The following FMO3 variants were observed in gnomAD, a reference collection of about 807,000 sequenced individuals.
The protein encoded by FMO3 is flavin containing dimethylaniline monoxygenase 3.
In FMO3, 40 loss-of-function variants were observed where a neutral mutation model predicts 39.4. The observed-to-expected ratio is 1.02, with a 90% confidence interval of 0.79 to 1.32. The LOEUF (loss-of-function observed/expected upper bound fraction) is 1.32, where lower values mean the gene tolerates loss of function less well. FMO3 is among the 40% of genes most tolerant of loss of function. The probability of loss-of-function intolerance (pLI) is 0.00; values close to 1 mark genes in which losing one functional copy is unlikely to be tolerated. For missense variants in FMO3, 680 were observed against 651.8 expected (o/e 1.04, Z -0.47); for synonymous variants, 219 against 228.8 (o/e 0.96, Z 0.39).
intron 3 of FMO3, among the ~76,000 whole-genome samples, chr1:171,105,356 C>T (rs1379786098): frequency 1.3e-5 from 2 of 152,136 alleles, no homozygotes; most frequent in East Asian, 3.9e-4. Context: ...CAATCTCCTT[C>T]ATGAAAATCA....
rs1378994560 is a variant in FMO3 at position 171,103,851 on chromosome 1, A to T, written c.199A>T (p.Met67Leu). The change falls in exon 3 of 9, where the codon ATG becomes TTG. Residue 67 changes from methionine to leucine, a missense_variant. By Grantham distance (15) the Met-to-Leu change is conservative (BLOSUM62 2). Coordinates refer to ENST00000367755, the MANE Select transcript of FMO3 (RefSeq NM_001002294.3). ...CTTTTCCAACTCTTCCAAAGAGATG[A>T]TGTGTTTCCCAGACTTCCCATTTCC... ...SVFSNSSKEM[M>L]CFPDFPFPDD... 1.2e-6 allele frequency: 2 copies of T among 1,613,844 alleles called. No individual in the cohort carries two copies. Among genetic ancestry groups the T allele is most frequent in the Middle Eastern group, 1.6e-4 (1 of 6,062 alleles).
chr1:171,099,759 C>CTTTTTTTTTTTTTTTTTCTTTT (rs1655279087), intron 2 of FMO3: 4 of 117,608 alleles, frequency 3.4e-5, no homozygotes, highest in Admixed American at 9.3e-5. Flanking sequence ...CCATGTCTTT[C>CTTTTTTTTTTTTTTTTTCTTTT]TTTTTTTTTT....
chr1:171,110,700 G>T, intron 5 of FMO3, 98 bp from the exon 6 acceptor site: 1 of 1,090,698 alleles, frequency 9.2e-7, no homozygotes, highest in East Asian at 2.4e-5. Context: ...TCTGCAGCTG[G>T]GGTAATAGAT....
intron 3 of FMO3, among the ~76,000 whole-genome samples, chr1:171,105,015 A>G (rs1318790357): frequency 6.6e-6 from 1 of 152,022 alleles, no homozygotes; most frequent in African/African-American, 2.4e-5. Context: ...GAATACTATA[A>G]AAGTGTTTGC....
In FMO3 at chr1:171,092,748, C is replaced by T; in HGVS notation, c.90C>T (p.Cys30=). The T allele has an allele frequency of 6.2e-7, 1 of 1,614,036 alleles. No homozygotes were observed. Among genetic ancestry groups the T allele is most frequent in the Non-Finnish European group, 8.5e-7 (1 of 1,180,000 alleles). The change falls in exon 2 of 9, where the codon TGC becomes TGT. Residue 30 remains cysteine (C), a synonymous_variant. Coordinates refer to ENST00000367755, the MANE Select transcript of FMO3 (RefSeq NM_001002294.3). ...TGGAAGAGGGGCTGGAGCCCACCTG[C>T]TTTGAGAAGAGCAATGACATTGGGG... ...SCLEEGLEPT[C]FEKSNDIGGL... is the part of the protein sequence containing the mutation.
intron 7 of FMO3, 38 bp downstream of exon 7, chr1:171,114,400 A>G (rs373403267): frequency 1.1e-4 from 155 of 1,390,104 alleles, no homozygotes; most frequent in Non-Finnish European, 1.5e-4. Flanking sequence ...GCGAAGATGA[A>G]TGCCAGTGAC....
chr1:171,110,792 T>C lies in FMO3; in HGVS notation c.628-6T>C, dbSNP rs369396459. ...TAATTTCATGGTTGAATTGGTGTTT[T>C]TTAAGGTCATGATCAGTTCCAGAAG... is the stretch of plus-strand genomic sequence containing the variant. On this transcript the variant is annotated splice_region_variant and splice_polypyrimidine_tract_variant and intron_variant, in intron 5 of 8. Coordinates refer to ENST00000367755, the MANE Select transcript of FMO3 (RefSeq NM_001002294.3). The C allele has an allele frequency of 1.3e-4, 217 of 1,613,716 alleles. 2 individuals carry two copies. Among genetic ancestry groups the C allele is most frequent in the Middle Eastern group, 3.3e-4 (2 of 6,076 alleles).
At position 171,107,718 on chromosome 1, in the gene FMO3, C is replaced by A. The variant is rs1459001770; in HGVS notation, c.365C>A (p.Thr122Asn). Residue 122 changes from threonine to asparagine, a missense_variant, in exon 4 of 9, where the codon ACT becomes AAT. Thr to Asn is a moderately conservative substitution (Grantham distance 65, BLOSUM62 0). Transcript: ENST00000367755. ...AATAAACATCCTGATTTTGCAACTACTGGCCAGTGGGATGTTACCACTGAA... is the reference window on the plus strand; with the variant it reads ...AATAAACATCCTGATTTTGCAACTAATGGCCAGTGGGATGTTACCACTGAA... ...SVNKHPDFAT[T>N]GQWDVTTERD... is the part of the protein sequence containing the mutation. The A allele has an allele frequency of 5.6e-6, 9 of 1,613,050 alleles. No homozygotes were observed. The highest frequency in any genetic ancestry group is 7.6e-6 in the Non-Finnish European group (9 of 1,179,258).
intron 2 of FMO3, among the ~76,000 whole-genome samples, chr1:171,102,562 G>A (rs1655448913): frequency 6.6e-6 from 1 of 152,120 alleles, no homozygotes; most frequent in Admixed American, 6.5e-5. Context: ...GCTTCCATTT[G>A]TTGAACTCTA....
At chr1:171,104,716 A>T (rs1374772393) in intron 3 of FMO3, among the ~76,000 whole-genome samples, 1 of 152,078 alleles carries the variant, frequency 6.6e-6, no homozygotes, top group Non-Finnish European at 1.5e-5. Flanking sequence ...TCTACAAAAA[A>T]TACAAAAATT....
chr1:171,109,525 T>TC (rs1655803080), intron 5 of FMO3, among the ~76,000 whole-genome samples: 1 of 134,956 alleles, frequency 7.4e-6, no homozygotes, highest in Non-Finnish European at 1.6e-5. Flanking sequence ...TTTAGTCTCT[T>TC]CTTTTTTTTT....
At chr1:171,093,601 G>A (rs970102180) in intron 2 of FMO3, among the ~76,000 whole-genome samples, 2 of 151,782 alleles carry the variant, frequency 1.3e-5, no homozygotes, top group African/African-American at 4.8e-5. Context: ...TGGACAACAA[G>A]GTTGATTCCA....
At chr1:171,095,336 T>C (rs1351172770) in intron 2 of FMO3, among the ~76,000 whole-genome samples, 1 of 152,164 alleles carries the variant, frequency 6.6e-6, no homozygotes, top group African/African-American at 2.4e-5. Flanking sequence ...AGGGTTCTAT[T>C]AGCAGACATG....
chr1:171,095,862 TA>T (rs1654942100), intron 2 of FMO3, among the ~76,000 whole-genome samples: 1 of 101,582 alleles, frequency 9.8e-6, no homozygotes, highest in East Asian at 2.4e-4. Context: ...ATATATAATA[TA>T]AATATATATA....
At chr1:171,092,492 A>G (rs1240403869) in intron 1 of FMO3, among the ~76,000 whole-genome samples, 161 bp from the exon 2 acceptor site, 1 of 152,186 alleles carries the variant, frequency 6.6e-6, no homozygotes, top group Non-Finnish European at 1.5e-5. Context: ...CAGCCTCCCA[A>G]AGTGCTGGGA....
intron 2 of FMO3, chr1:171,100,943 A>G: frequency 3.1e-6 from 1 of 326,278 alleles, no homozygotes; most frequent in South Asian, 2.6e-5. Flanking sequence ...TGAGCCCCAA[A>G]CGCTATAATG....
chr1:171,102,041 C>T (rs371334931), intron 2 of FMO3, among the ~76,000 whole-genome samples: 2 of 152,114 alleles, frequency 1.3e-5, no homozygotes, highest in East Asian at 3.8e-4. Flanking sequence ...CTTCCCCATC[C>T]CACATGCCTA....
intron 2 of FMO3, among the ~76,000 whole-genome samples, chr1:171,096,476 T>TTTTATATATTAAATACATAATAC (rs1655066518): frequency 1.0e-5 from 1 of 98,254 alleles, no homozygotes; most frequent in African/African-American, 4.4e-5. Flanking sequence ...ACATAATATA[T>TTTTATATATTAAATACATAATAC]TTTATATATT....
intron 2 of FMO3, among the ~76,000 whole-genome samples, chr1:171,098,934 A>T (rs1161933369): frequency 6.6e-6 from 1 of 152,128 alleles, no homozygotes; most frequent in Non-Finnish European, 1.5e-5. Context: ...GGTTTGTCAT[A>T]AACAGCTCTT....
Sources: allele counts gnomAD v4.1 joint callset (sites outside exome capture counted in the v4.1 genomes callset), GRCh38; gene constraint gnomAD v4.1.1; transcripts MANE v1.5; gene names NCBI Gene and HGNC (gene_info 2026-07-23, HGNC 2026-07-21).